Variants in BAZ1B observed in about 807,000 individuals in gnomAD.
BAZ1B encodes bromodomain adjacent to zinc finger domain 1B.
Under a neutral mutation model 153.8 loss-of-function variants are expected in BAZ1B, and 22 were observed. The ratio of observed to expected loss-of-function variants is 0.14; its 90% CI spans 0.10 to 0.20. The LOEUF is 0.20. BAZ1B is among the 10% of genes least tolerant of loss of function. BAZ1B has a pLI of 1.00. For missense variants in BAZ1B, 1,325 were observed against 1,799.3 expected (o/e 0.74, Z 4.77); for synonymous variants, 676 against 633.4 (o/e 1.07, Z -1.01).
chr7:73,505,919 C>T (rs768668059), intron 3 of BAZ1B, among the ~76,000 whole-genome samples: 1 of 152,162 alleles, frequency 6.6e-6, no homozygotes, highest in African/African-American at 2.4e-5. Flanking sequence ...ATTACAATTT[C>T]GCTACATAAC....
chr7:73,518,090 C>A (rs782453344), intron 1 of BAZ1B, among the ~76,000 whole-genome samples: 4 of 152,026 alleles, frequency 2.6e-5, no homozygotes, highest in Non-Finnish European at 4.4e-5. Context: ...TATGGCATAA[C>A]GTATTACTTT....
chr7:73,488,714 C>CAAAAAA (rs35812071), intron 6 of BAZ1B, among the ~76,000 whole-genome samples: 1 of 59,258 alleles, frequency 1.7e-5, no homozygotes, highest in African/African-American at 6.1e-5. Context: ...GACTCCAACT[C>CAAAAAA]AAAAAAAAAA....
At chr7:73,484,581 T>G (rs2116362932) in intron 6 of BAZ1B, among the ~76,000 whole-genome samples, 1 of 152,076 alleles carries the variant, frequency 6.6e-6, no homozygotes, top group South Asian at 2.1e-4. Context: ...AGGTCAAGAC[T>G]GCAGTGAGCT....
At chr7:73,473,938 T>G (rs567268573) in intron 7 of BAZ1B, among the ~76,000 whole-genome samples, 9 of 152,284 alleles carry the variant, frequency 5.9e-5, no homozygotes, top group African/African-American at 2.2e-4. Flanking sequence ...GCACTCCAGC[T>G]TGGGTGACAG....
rs1788446128 is a variant in BAZ1B, at chr7:73,462,939, A to G, written c.3232T>C (p.Ser1078Pro). ...KGGLGYVEET[S>P]EFEARVISLE... The stretch of plus-strand genomic sequence containing the variant: ...ATTCCTACCCGGGCTTCAAATTCTG[A>G]TGTTTCTTCCACATATCCAAGTCCT... Residue 1078 changes from serine to proline, a missense_variant, in exon 12 of 20, where the codon TCA (serine) becomes CCA (proline). Ser to Pro is a moderately conservative substitution (Grantham distance 74). Transcript: ENST00000339594. The G allele has an allele frequency of 6.2e-7, 1 of 1,614,040 alleles. No individual in the cohort carries two copies. The highest frequency in any genetic ancestry group is 1.3e-5 in the African/African-American group (1 of 74,992).
rs782051515 is a variant in BAZ1B at position 73,450,826 on chromosome 7, G to A, written c.3580+21C>T. On this transcript the variant is annotated intron_variant, in intron 14 of 19. Coordinates refer to ENST00000339594, the MANE Select transcript of BAZ1B (RefSeq NM_032408.4). The surrounding 1 kb of genome is among the most constrained non-coding windows in gnomAD (Gnocchi z 4.1). ...CCTACTCCCTAATATACCCACATAA[G>A]CAAATTTGATTTAAATATACCTTTC... 7.4e-6 allele frequency: 12 copies of A among 1,612,478 alleles called. No homozygotes were observed. In the South Asian group the frequency reaches 7.7e-5, roughly 10 times the overall value.
chr7:73,458,141 G>A (rs1788269135), intron 13 of BAZ1B, among the ~76,000 whole-genome samples: 1 of 152,190 alleles, frequency 6.6e-6, no homozygotes, highest in Non-Finnish European at 1.5e-5. Context: ...AGTGAGAATA[G>A]TCTCGTGGGA....
intron 3 of BAZ1B, among the ~76,000 whole-genome samples, chr7:73,501,016 G>C (rs571241855): frequency 6.6e-6 from 1 of 152,204 alleles, no homozygotes; most frequent in South Asian, 2.1e-4. Flanking sequence ...CAGCGCTTTG[G>C]GAGGCCCAGG....
At chr7:73,498,212 A>G (rs1789992942) in intron 4 of BAZ1B, among the ~76,000 whole-genome samples, 1 of 152,018 alleles carries the variant, frequency 6.6e-6, no homozygotes, top group Non-Finnish European at 1.5e-5. Flanking sequence ...CACCCTCCTC[A>G]GCCTCCCAAA....
At chr7:73,453,554 G>C (rs1199128256) in intron 13 of BAZ1B, among the ~76,000 whole-genome samples, 2 of 152,236 alleles carry the variant, frequency 1.3e-5, no homozygotes, top group African/African-American at 4.8e-5. Context: ...TATTGAACTT[G>C]AGTTAAAAAC....
chr7:73,519,289 A>G (rs781867608), intron 1 of BAZ1B, among the ~76,000 whole-genome samples: 2 of 152,254 alleles, frequency 1.3e-5, no homozygotes. Flanking sequence ...AATTGTAAAT[A>G]TAAGTTGAGA....
chr7:73,495,347 TAA>T (rs200928852), intron 4 of BAZ1B, among the ~76,000 whole-genome samples: 1 of 152,190 alleles, frequency 6.6e-6, no homozygotes, highest in African/African-American at 2.4e-5. Context: ...AGTCTACAGT[TAA>T]AAGTCTGACC....
intron 6 of BAZ1B, among the ~76,000 whole-genome samples, chr7:73,486,907 C>T (rs1054304360): frequency 6.6e-6 from 1 of 152,126 alleles, no homozygotes; most frequent in African/African-American, 2.4e-5. Flanking sequence ...AAGCCAAAGT[C>T]CTAATTTTAT....
chr7:73,470,384 A>G lies in BAZ1B; in HGVS notation c.2693T>C (p.Met898Thr). The G allele has an allele frequency of 6.2e-7, 1 of 1,614,140 alleles. No homozygotes were observed. The highest frequency in any genetic ancestry group is 8.5e-7 in the Non-Finnish European group (1 of 1,180,012). ...QEGIAKAKLV[M>T]RRTPIGTDRN... is the part of the protein sequence containing the mutation. Reference sequence around the variant, plus strand: ...ATCTGTGCCAATAGGAGTCCTGCGCATGACTAGTTTGGCCTTGGCAATCCC... The same window carrying G: ...ATCTGTGCCAATAGGAGTCCTGCGCGTGACTAGTTTGGCCTTGGCAATCCC... The change falls in exon 8 of 20, where the codon ATG (methionine) becomes ACG (threonine). Residue 898 changes from methionine (M) to threonine (T), a missense_variant. Coordinates refer to ENST00000339594, the MANE Select transcript of BAZ1B (RefSeq NM_032408.4).
At chr7:73,461,989 C>T (rs933448626) in intron 12 of BAZ1B, among the ~76,000 whole-genome samples, 1 of 152,116 alleles carries the variant, frequency 6.6e-6, no homozygotes, top group Admixed American at 6.5e-5. Flanking sequence ...CTGGTCTCGA[C>T]CTGCTGGGCT....
Position 73,446,226 on chromosome 7 carries a change from T to C in BAZ1B, c.3844+1038A>G, listed in dbSNP as rs143525257. On this transcript the variant is annotated intron_variant, in intron 16 of 19. Coordinates refer to ENST00000339594, the MANE Select transcript of BAZ1B (RefSeq NM_032408.4). ...TCAGAGCTGCTATGATCTTGGGAAC[T>C]GTACCACTGCTTCAAAAGCTCATTA... Among the ~76,000 whole-genome samples the C allele has an allele frequency of 2.6e-4, 40 of 152,320 alleles. No individual in the cohort carries two copies. The East Asian group carries it at 5.6e-3, about 21-fold the overall frequency.
intron 1 of BAZ1B, among the ~76,000 whole-genome samples, chr7:73,513,630 A>G (rs1331688222): frequency 6.6e-6 from 1 of 152,188 alleles, no homozygotes; most frequent in African/African-American, 2.4e-5. Context: ...CTACTGAACT[A>G]GGGGAGTGGA....
At chr7:73,488,427 G>A (rs1294953700) in intron 6 of BAZ1B, among the ~76,000 whole-genome samples, 1 of 151,986 alleles carries the variant, frequency 6.6e-6, no homozygotes, top group Non-Finnish European at 1.5e-5. Context: ...CAAAAGTGAG[G>A]ATTTTAAAAA....
chr7:73,520,872 G>A (rs1791007062), intron 1 of BAZ1B, among the ~76,000 whole-genome samples: 1 of 152,142 alleles, frequency 6.6e-6, no homozygotes, highest in African/African-American at 2.4e-5. Context: ...AAAGCTTTCA[G>A]TCACCAAAGA....
Sources: gnomAD v4.1 joint callset for allele counts (sites outside exome capture counted in the v4.1 genomes callset) on GRCh38, gnomAD v4.1.1 for gene constraint, Gnocchi (gnomAD v3.1) non-coding constraint, MANE v1.5 for transcripts, NCBI Gene and HGNC (gene_info 2026-07-23, HGNC 2026-07-21) for gene names.